Variants in CHN2 observed in about 807,000 individuals in gnomAD.
CHN2 encodes beta-chimaerin.
A neutral mutation model predicts 56.3 loss-of-function variants in CHN2; 35 were observed. That is an observed-to-expected ratio of 0.62 (90% CI 0.47 to 0.82). CHN2 has a LOEUF of 0.82. Among genes scored for constraint, CHN2 ranks in the 40% least tolerant of loss-of-function variants. The pLI is 0.00. For missense variants in CHN2, 491 were observed against 580.5 expected (o/e 0.85, Z 1.58); for synonymous variants, 210 against 212.8 (o/e 0.99, Z 0.12).
At chr7:29,423,989 A>G (rs552388137) in intron 6 of CHN2, among the ~76,000 whole-genome samples, 1 of 152,250 alleles carries the variant, frequency 6.6e-6, no homozygotes, top group South Asian at 2.1e-4. Context: ...CCTCCCACTC[A>G]TGGTGGGCTA....
intron 1 of CHN2, among the ~76,000 whole-genome samples, chr7:29,258,075 C>T (rs1475137844): frequency 3.3e-5 from 5 of 152,114 alleles, no homozygotes; most frequent in Admixed American, 2.0e-4. Flanking sequence ...TGAGCCATTG[C>T]GCCCAGCCCC....
chr7:29,445,963 A>G (rs1048830663), intron 6 of CHN2, among the ~76,000 whole-genome samples: 1 of 151,884 alleles, frequency 6.6e-6, no homozygotes. Context: ...CTACTCGTGC[A>G]GCTCTCTTGA....
chr7:29,146,856 T>G (rs1459291918), exon 2 of CHN2: 1 of 1,551,068 alleles, frequency 6.4e-7, no homozygotes. Context: ...TAGGACTTAC[T>G]TGCAAGCCCA....
chr7:29,177,588 C>T (rs1438087782), intron 2 of CHN2, among the ~76,000 whole-genome samples: 3 of 150,640 alleles, frequency 2.0e-5, no homozygotes, highest in Non-Finnish European at 4.4e-5. Context: ...ACTGGCTTTT[C>T]CTCTGTCCCC....
intron 6 of CHN2, among the ~76,000 whole-genome samples, chr7:29,457,774 C>G (rs957738248): frequency 6.6e-6 from 1 of 152,096 alleles, no homozygotes; most frequent in Non-Finnish European, 1.5e-5. Context: ...CATGGCAGTG[C>G]GCGCTTCCAT....
intron 1 of CHN2, among the ~76,000 whole-genome samples, chr7:29,322,194 C>T (rs190084707): frequency 2.0e-5 from 3 of 152,214 alleles, no homozygotes; most frequent in Non-Finnish European, 2.9e-5. Flanking sequence ...TTTCTCACAT[C>T]GTTTCCTAAA....
At chr7:29,332,640 A>AT (rs1796315271) in intron 1 of CHN2, among the ~76,000 whole-genome samples, 1 of 152,106 alleles carries the variant, frequency 6.6e-6, no homozygotes, top group African/African-American at 2.4e-5. Flanking sequence ...TTTGGATAGT[A>AT]TATTTTATGT....
intron 1 of CHN2, among the ~76,000 whole-genome samples, chr7:29,229,438 A>G (rs1295334369): frequency 6.6e-6 from 1 of 152,188 alleles, no homozygotes; most frequent in Non-Finnish European, 1.5e-5. Context: ...GTATTATCCT[A>G]ATGAGCTGAT....
intron 1 of CHN2, among the ~76,000 whole-genome samples, chr7:29,202,877 A>C (rs1398907664): frequency 6.6e-6 from 1 of 152,220 alleles, no homozygotes; most frequent in Admixed American, 6.5e-5. Flanking sequence ...CTGTTGGGAC[A>C]GCAAAGAAAT....
At chr7:29,269,109 T>C (rs971765372) in intron 1 of CHN2, among the ~76,000 whole-genome samples, 8 of 152,164 alleles carry the variant, frequency 5.3e-5, no homozygotes, top group Non-Finnish European at 1.0e-4. Context: ...AGGCAATAAA[T>C]TATTGTTAGT....
chr7:29,276,357 G>A (rs949279415), intron 1 of CHN2, among the ~76,000 whole-genome samples: 1 of 152,186 alleles, frequency 6.6e-6, no homozygotes, highest in Non-Finnish European at 1.5e-5. Context: ...CAGGTTGACT[G>A]GAGGCTGTCC....
At chr7:29,423,402 C>G (rs747862392) in intron 6 of CHN2, among the ~76,000 whole-genome samples, 3 of 152,196 alleles carry the variant, frequency 2.0e-5, no homozygotes, top group South Asian at 4.1e-4. Context: ...TATAAAAGCT[C>G]AGCTTCTTTG....
At chr7:29,304,368 A>G (rs1413190267) in intron 1 of CHN2, among the ~76,000 whole-genome samples, 1 of 152,218 alleles carries the variant, frequency 6.6e-6, no homozygotes, top group Non-Finnish European at 1.5e-5. Flanking sequence ...CTGAAGGAGC[A>G]AATAAACATA....
At chr7:29,321,541 C>T (rs1016948382) in intron 1 of CHN2, among the ~76,000 whole-genome samples, 5 of 151,018 alleles carry the variant, frequency 3.3e-5, no homozygotes, top group Non-Finnish European at 5.9e-5. Flanking sequence ...GTGCTTGAAC[C>T]GTCTTTTCTT....
At chr7:29,484,582 A>G (rs1055815902) in intron 7 of CHN2, among the ~76,000 whole-genome samples, 2 of 152,116 alleles carry the variant, frequency 1.3e-5, no homozygotes, top group African/African-American at 4.8e-5. Context: ...TATATCTGTC[A>G]TCTTCTTATA....
intron 1 of CHN2, among the ~76,000 whole-genome samples, chr7:29,290,015 T>C (rs1212885250): frequency 6.6e-6 from 1 of 152,252 alleles, no homozygotes; most frequent in African/African-American, 2.4e-5. Flanking sequence ...TAGTGTTGCT[T>C]TTAAAGCAGT....
At chr7:29,274,021 G>A (rs1790974639) in intron 1 of CHN2, among the ~76,000 whole-genome samples, 1 of 152,186 alleles carries the variant, frequency 6.6e-6, no homozygotes, top group African/African-American at 2.4e-5. Flanking sequence ...CTCTCTCTGT[G>A]TTTAATATGT....
chr7:29,283,525 G>T (rs1257072788), intron 1 of CHN2, among the ~76,000 whole-genome samples: 1 of 152,136 alleles, frequency 6.6e-6, no homozygotes, highest in Non-Finnish European at 1.5e-5. Context: ...AATAAGTAAG[G>T]TCCCTAATCA....
intron 4 of CHN2, among the ~76,000 whole-genome samples, chr7:29,395,255 G>A (rs530315815): frequency 2.5e-4 from 38 of 152,330 alleles, no homozygotes; most frequent in Admixed American, 3.9e-4. Flanking sequence ...GGGCACAGTG[G>A]CTCACGCCTG....
Sources: gnomAD v4.1 joint callset for allele counts (sites outside exome capture counted in the v4.1 genomes callset) on GRCh38, gnomAD v4.1.1 for gene constraint, MANE v1.5 for transcripts, NCBI Gene and HGNC (gene_info 2026-07-23, HGNC 2026-07-21) for gene names.